The following STXBP5 variants were observed in gnomAD, a reference collection of about 807,000 sequenced individuals.
STXBP5 encodes the protein syntaxin binding protein 5, also known as syntaxin-binding protein 5.
In STXBP5, 50 loss-of-function variants were observed where a neutral mutation model predicts 152.4. The observed-to-expected ratio is 0.33, with a 90% confidence interval of 0.26 to 0.42. STXBP5 has a LOEUF of 0.42. STXBP5 is among the 10% of genes least tolerant of loss of function. The probability of loss-of-function intolerance (pLI) is 1.00; values close to 1 mark genes in which losing one functional copy is unlikely to be tolerated. For synonymous variants in STXBP5, 492 were observed against 494.7 expected, an observed-to-expected ratio of 0.99 and a Z score of 0.07; for missense variants, 1,167 against 1,388.6, an observed-to-expected ratio of 0.84 and a Z score of 2.54.
rs567841736 is a variant in STXBP5 at position 147,384,802 on chromosome 6, T to A, written c.*47T>A. On this transcript the variant is annotated 3_prime_UTR_variant, in exon 28 of 28. Transcript: ENST00000321680. ...AACTTCAGCCAGAAGGAAAAAAGTTTTCCATTTTTATTACATTCTTTAGGA... is the reference window on the plus strand; with the variant it reads ...AACTTCAGCCAGAAGGAAAAAAGTTATCCATTTTTATTACATTCTTTAGGA... 1 of 1,579,272 alleles carries A rather than the reference T, an allele frequency of 6.3e-7. No individual in the cohort carries two copies. Among genetic ancestry groups the A allele is most frequent in the Admixed American group, 1.8e-5 (1 of 55,004 alleles).
intron 7 of STXBP5, among the ~76,000 whole-genome samples, chr6:147,268,681 T>C (rs1227421406): frequency 6.6e-6 from 1 of 152,212 alleles, no homozygotes; most frequent in Non-Finnish European, 1.5e-5. Context: ...ATTTTAAAAA[T>C]TGAACATTTT....
At chr6:147,275,702 T>TA (rs1780410442) in intron 7 of STXBP5, among the ~76,000 whole-genome samples, 1 of 151,470 alleles carries the variant, frequency 6.6e-6, no homozygotes, top group Admixed American at 6.6e-5. Context: ...GGACTACAGG[T>TA]ACCCACCACA....
rs1786269476 is a variant in STXBP5, at chr6:147,384,927, TCA to T, written c.*176_*177del. ...TCATGTGGCTTTAACTGAGGAGTGT[TCA>T]CACGCACTCGAAATGGAGTATATGG... On this transcript the variant is annotated 3_prime_UTR_variant, in exon 28 of 28. Coordinates refer to ENST00000321680, the MANE Select transcript of STXBP5 (RefSeq NM_001127715.4). 1.5e-6 allele frequency: 1 copy of T among 658,290 alleles called. No homozygotes were observed. Among genetic ancestry groups the T allele is most frequent in the East Asian group, 2.7e-5 (1 of 37,430 alleles). 40.8% of individuals were successfully genotyped at this position (658,290 alleles called of 1,614,324 possible).
In STXBP5 at chr6:147,240,077, G is replaced by C. The variant is rs146231348; in HGVS notation, c.431+807G>C. Among the ~76,000 whole-genome samples, 1,232 of 151,912 alleles carry C rather than the reference G, an allele frequency of 8.1e-3. 19 individuals carry two copies. Among genetic ancestry groups the C allele is most frequent in the African/African-American group, 0.029 (1,184 of 41,424 alleles). The stretch of plus-strand genomic sequence containing the variant: ...CATGCCTCAGCCTCCTGAGTATCTG[G>C]GACTATAGCATGCACCACAACACCT... On this transcript the variant is annotated intron_variant, in intron 4 of 27. Transcript: ENST00000321680.
At chr6:147,378,409 T>A (rs1229036788) in intron 26 of STXBP5, among the ~76,000 whole-genome samples, 2 of 136,048 alleles carry the variant, frequency 1.5e-5, no homozygotes, top group African/African-American at 2.7e-5. Context: ...GATTTATCAT[T>A]AAAAAAAAAA....
chr6:147,278,194 C>G lies in STXBP5; in HGVS notation c.828C>G (p.Ile276Met), dbSNP rs1562457807. ...VRSPAKPVQT[I>M]TPHGKQLKDG... Reference sequence around the variant, plus strand: ...CCCCTGCTAAACCAGTACAGACAATCACTCCACATGGTAAGAATGCATCAA... The same window carrying G: ...CCCCTGCTAAACCAGTACAGACAATGACTCCACATGGTAAGAATGCATCAA... The change falls in exon 8 of 28, where the codon ATC (isoleucine) becomes ATG (methionine). Residue 276 changes from isoleucine (I) to methionine (M), a missense_variant. Physicochemically the swap from Ile to Met is conservative, Grantham distance 10. Transcript: ENST00000321680. 2 of 1,608,854 alleles carry G rather than the reference C, an allele frequency of 1.2e-6. No homozygotes were observed. Among genetic ancestry groups the G allele is most frequent in the Non-Finnish European group, 8.5e-7 (1 of 1,176,978 alleles).
At chr6:147,377,012 A>G (rs1490916063) in intron 26 of STXBP5, among the ~76,000 whole-genome samples, 1 of 152,176 alleles carries the variant, frequency 6.6e-6, no homozygotes, top group East Asian at 1.9e-4. Flanking sequence ...TTTGACTTCA[A>G]AATATGTGAA....
intron 8 of STXBP5, among the ~76,000 whole-genome samples, chr6:147,279,688 T>C (rs560640046): frequency 3.3e-5 from 5 of 152,298 alleles, no homozygotes; most frequent in Admixed American, 6.5e-5. Flanking sequence ...CTAGAGGATA[T>C]TTCTTATGAT....
chr6:147,375,712 C>CATTA (rs1272970215), intron 26 of STXBP5, among the ~76,000 whole-genome samples: 13 of 151,282 alleles, frequency 8.6e-5, no homozygotes, highest in Non-Finnish European at 1.9e-4. Flanking sequence ...CTAATTAATT[C>CATTA]CAATGATGTT....
chr6:147,345,577 T>G (rs1425470415), intron 21 of STXBP5, among the ~76,000 whole-genome samples: 1 of 152,194 alleles, frequency 6.6e-6, no homozygotes, highest in Admixed American at 6.5e-5. Context: ...TTGTTGAAAC[T>G]CTCGGTATAA....
intron 9 of STXBP5, among the ~76,000 whole-genome samples, chr6:147,309,708 G>C (rs1782270007): frequency 6.6e-6 from 1 of 152,190 alleles, no homozygotes; most frequent in South Asian, 2.1e-4. Context: ...ATGCCTCAAG[G>C]CATTAAGATT....
chr6:147,318,825 C>G (rs1290522991), intron 16 of STXBP5, among the ~76,000 whole-genome samples: 11 of 152,182 alleles, frequency 7.2e-5, no homozygotes, highest in Non-Finnish European at 4.4e-5. Flanking sequence ...CCTAAAATAA[C>G]TAATGACTGT....
chr6:147,237,995 T>G (rs543476187), intron 3 of STXBP5, among the ~76,000 whole-genome samples: 5 of 152,234 alleles, frequency 3.3e-5, no homozygotes, highest in Non-Finnish European at 7.3e-5. Flanking sequence ...CTAGACAGTC[T>G]TAATTTTATT....
At chr6:147,379,305 A>G (rs1280847907) in intron 26 of STXBP5, among the ~76,000 whole-genome samples, 2 of 152,102 alleles carry the variant, frequency 1.3e-5, no homozygotes, top group African/African-American at 4.8e-5. Flanking sequence ...TCTGCCTATC[A>G]CCCATAGTAT....
At chr6:147,318,351 G>GT (rs1391929764) in intron 16 of STXBP5, among the ~76,000 whole-genome samples, 9 of 151,848 alleles carry the variant, frequency 5.9e-5, no homozygotes, top group Non-Finnish European at 1.5e-5. Context: ...TTTTTTTCCA[G>GT]TTTTTTTACT....
At chr6:147,294,656 A>T (rs1323368363) in intron 9 of STXBP5, among the ~76,000 whole-genome samples, 1 of 152,164 alleles carries the variant, frequency 6.6e-6, no homozygotes, top group African/African-American at 2.4e-5. Context: ...GCTGTGATTT[A>T]AAAAAGTATT....
At chr6:147,315,810 AC>A in intron 15 of STXBP5, 75 bp downstream of exon 15, 1 of 1,383,112 alleles carries the variant, frequency 7.2e-7, no homozygotes, top group Non-Finnish European at 1.0e-6. Flanking sequence ...GATTTGGAAG[AC>A]TTTTTGCAGT....
chr6:147,236,649 A>T (rs1054219075), intron 3 of STXBP5, among the ~76,000 whole-genome samples: 2 of 152,190 alleles, frequency 1.3e-5, no homozygotes, highest in African/African-American at 4.8e-5. Flanking sequence ...AAGGACTACC[A>T]CATCAAGATA....
intron 23 of STXBP5, among the ~76,000 whole-genome samples, chr6:147,361,853 A>G (rs1411085369): frequency 1.3e-5 from 2 of 152,210 alleles, no homozygotes; most frequent in African/African-American, 4.8e-5. Context: ...TCTTGAAAGA[A>G]AAGCTAGCTT....
Sources: gnomAD v4.1 joint callset for allele counts (sites outside exome capture counted in the v4.1 genomes callset) on GRCh38, gnomAD v4.1.1 for gene constraint, MANE v1.5 for transcripts, NCBI Gene and HGNC (gene_info 2026-07-23, HGNC 2026-07-21) for gene names.